EGFR: variants seen among roughly 807,000 people sequenced by gnomAD.
EGFR encodes avian erythroblastic leukemia viral (v-erb-b) oncogene homolog.
Under a neutral mutation model 143.0 loss-of-function variants are expected in EGFR, and 58 were observed. That is an observed-to-expected ratio of 0.41 (90% CI 0.33 to 0.50). The LOEUF is 0.50. Ranked by LOEUF, EGFR falls within the 20% of genes least tolerant of loss-of-function variation. The pLI is 0.39. For synonymous variants in EGFR, 613 were observed against 594.4 expected (o/e 1.03, Z -0.45); for missense variants, 1,307 against 1,579.0 (o/e 0.83, Z 2.92).
intron 1 of EGFR, among the ~76,000 whole-genome samples, chr7:55,085,166 C>T (rs1203040786): frequency 6.6e-6 from 1 of 152,188 alleles, no homozygotes; most frequent in African/African-American, 2.4e-5. Flanking sequence ...AAAACAATGT[C>T]ACAGGCATGT....
At chr7:55,156,108 AT>A (rs997222289) in intron 8 of EGFR, among the ~76,000 whole-genome samples, 162 bp downstream of exon 8, 1 of 152,216 alleles carries the variant, frequency 6.6e-6, no homozygotes, top group African/African-American at 2.4e-5. Flanking sequence ...AGGTTAGGCA[AT>A]GGGAAGGCAC....
chr7:55,114,092 C>T (rs1792685407), intron 1 of EGFR, among the ~76,000 whole-genome samples: 1 of 152,282 alleles, frequency 6.6e-6, no homozygotes, highest in East Asian at 1.9e-4. Flanking sequence ...GACATGGGCA[C>T]TCTGGAATAT....
At chr7:55,130,066 G>A (rs1431479827) in intron 1 of EGFR, among the ~76,000 whole-genome samples, 1 of 139,084 alleles carries the variant, frequency 7.2e-6, no homozygotes, top group Non-Finnish European at 1.6e-5. Context: ...TATGATGGGT[G>A]AAGCTGAAAA....
chr7:55,019,101 G>A lies in EGFR; in HGVS notation c.-177G>A. The stretch of plus-strand genomic sequence containing the variant: ...GTGAGCGCCCGACGCGGCCGAGGCG[G>A]CCGGAGTCCCGAGCTAGCCCCGGCG... On this transcript the variant is annotated 5_prime_UTR_variant, in exon 1 of 28. Coordinates refer to ENST00000275493, the MANE Select transcript of EGFR (RefSeq NM_005228.5). The A allele has an allele frequency of 3.0e-6, 1 of 337,844 alleles. No individual in the cohort carries two copies. The highest frequency in any genetic ancestry group is 5.1e-5 in the East Asian group (1 of 19,492). The allele number at this position is 337,844 out of a possible 1,614,324, so 20.9% of individuals were successfully genotyped here.
intron 1 of EGFR, among the ~76,000 whole-genome samples, chr7:55,113,270 T>C (rs181089444): frequency 2.8e-4 from 43 of 152,346 alleles, no homozygotes; most frequent in African/African-American, 7.9e-4. Flanking sequence ...CTCTGCCTCA[T>C]GGTCGTGTTG....
rs187303990 is a variant in EGFR, at chr7:55,116,327, T to A, written c.89-25959T>A. Among the ~76,000 whole-genome samples the A allele has an allele frequency of 9.5e-4, 144 of 152,320 alleles. 1 individual carries two copies. Among genetic ancestry groups the A allele is most frequent in the East Asian group, 1.2e-3 (6 of 5,180 alleles). The stretch of plus-strand genomic sequence containing the variant: ...ATGCGCACATCCCACCCCTGGCCGC[T>A]GTCCACAAGAAATCCAGTTGCACCA... On this transcript the variant is annotated intron_variant, in intron 1 of 27. Transcript: ENST00000275493.
At chr7:55,031,719 T>G (rs1787258661) in intron 1 of EGFR, among the ~76,000 whole-genome samples, 1 of 152,234 alleles carries the variant, frequency 6.6e-6, no homozygotes. Flanking sequence ...GCCAGGGAGA[T>G]AAGTAGTCAC....
chr7:55,072,778 T>C (rs1411208099), intron 1 of EGFR, among the ~76,000 whole-genome samples: 1 of 152,206 alleles, frequency 6.6e-6, no homozygotes, highest in East Asian at 1.9e-4. Flanking sequence ...CTTAAAGTAA[T>C]CCTTAAAAAG....
chr7:55,116,744 T>C (rs1471145167), intron 1 of EGFR, among the ~76,000 whole-genome samples: 3 of 152,234 alleles, frequency 2.0e-5, no homozygotes, highest in African/African-American at 7.2e-5. Flanking sequence ...TTTGCTTACA[T>C]AGAATCCTCC....
At chr7:55,124,674 A>T (rs920131486) in intron 1 of EGFR, among the ~76,000 whole-genome samples, 1 of 152,164 alleles carries the variant, frequency 6.6e-6, no homozygotes, top group Non-Finnish European at 1.5e-5. Context: ...CTGATCATCC[A>T]TTGGGTGCCC....
intron 2 of EGFR, 57 bp downstream of exon 2, chr7:55,142,494 A>G (rs56033079): frequency 1.3e-3 from 2,085 of 1,599,172 alleles, no homozygotes; most frequent in Middle Eastern, 3.4e-3. Flanking sequence ...AAGTGGAGAA[A>G]GGCCTGGGCA....
intron 1 of EGFR, among the ~76,000 whole-genome samples, chr7:55,022,606 G>A (rs982319288): frequency 5.3e-5 from 8 of 152,316 alleles, no homozygotes; most frequent in Admixed American, 2.0e-4. Flanking sequence ...GCTAAAGGTT[G>A]AAGGGGGGGT....
At chr7:55,201,896 C>G in intron 26 of EGFR, 114 bp downstream of exon 26, 1 of 1,338,408 alleles carries the variant, frequency 7.5e-7, no homozygotes, top group Non-Finnish European at 1.1e-6. Context: ...GAGTTTTCTT[C>G]CTGTGTGGGT....
intron 20 of EGFR, among the ~76,000 whole-genome samples, chr7:55,190,131 C>G (rs80033015): frequency 2.4e-4 from 36 of 152,158 alleles, no homozygotes; most frequent in African/African-American, 7.0e-4. Flanking sequence ...TCTGCCCCCC[C>G]TCTCCTCTCC....
At chr7:55,072,915 A>T (rs1007720894) in intron 1 of EGFR, among the ~76,000 whole-genome samples, 1 of 152,168 alleles carries the variant, frequency 6.6e-6, no homozygotes, top group African/African-American at 2.4e-5. Flanking sequence ...TTACAGTTCA[A>T]TTCACTTCAC....
chr7:55,137,673 CACA>C (rs1355859271), intron 1 of EGFR, among the ~76,000 whole-genome samples: 4 of 152,184 alleles, frequency 2.6e-5, no homozygotes, highest in Admixed American at 2.0e-4. Context: ...CCAAGTGGAG[CACA>C]ACAACAGAGA....
At chr7:55,079,339 C>T (rs970381350) in intron 1 of EGFR, among the ~76,000 whole-genome samples, 11 of 152,190 alleles carry the variant, frequency 7.2e-5, no homozygotes, top group Non-Finnish European at 1.0e-4. Context: ...AGGGGCGGGT[C>T]GGCGTGCTGC....
chr7:55,149,386 T>TAC (rs369475921), intron 4 of EGFR, among the ~76,000 whole-genome samples: 58 of 151,134 alleles, frequency 3.8e-4, no homozygotes, highest in South Asian at 2.7e-3. Context: ...CACGCACACA[T>TAC]ACACACACAC....
intron 19 of EGFR, 164 bp from the exon 20 acceptor site, chr7:55,181,128 TA>T: frequency 2.3e-6 from 2 of 863,354 alleles, no homozygotes; most frequent in Non-Finnish European, 1.9e-6. Context: ...CAGCCCTGCG[TA>T]AACGTCCCTG....
Sources: gnomAD v4.1 joint callset for allele counts (sites outside exome capture counted in the v4.1 genomes callset) on GRCh38, gnomAD v4.1.1 for gene constraint, MANE v1.5 for transcripts, NCBI Gene and HGNC (gene_info 2026-07-23, HGNC 2026-07-21) for gene names.